Variants in AP2A2 observed in about 807,000 individuals in gnomAD.
The protein encoded by AP2A2 is AP-2 complex subunit alpha-2.
Under a neutral mutation model 104.2 loss-of-function variants are expected in AP2A2, and 32 were observed. The observed-to-expected ratio is 0.31, with a 90% CI of 0.23 to 0.41. AP2A2 has a LOEUF of 0.41. Ranked by LOEUF, AP2A2 falls within the 10% of genes least tolerant of loss-of-function variation. AP2A2 has a pLI of 1.00. For synonymous variants in AP2A2, 539 were observed against 533.3 expected (o/e 1.01, Z -0.15); for missense variants, 912 against 1,261.0 (o/e 0.72, Z 4.19).
intron 1 of AP2A2, among the ~76,000 whole-genome samples, chr11:955,366 TG>T (rs995075366): frequency 1.2e-4 from 19 of 152,346 alleles, no homozygotes; most frequent in African/African-American, 4.3e-4. Flanking sequence ...CCTGCCATCC[TG>T]GGGGGCATCA....
rs113636266 is a variant in AP2A2, at chr11:957,625, CT to C, written c.68-1811del. Among the ~76,000 whole-genome samples the C allele has an allele frequency of 1.6e-3, 248 of 152,312 alleles. 2 individuals are homozygous for C. The highest frequency in any genetic ancestry group is 0.01 in the Middle Eastern group (3 of 294). On this transcript the variant is annotated intron_variant, in intron 1 of 21. Coordinates refer to ENST00000448903, the MANE Select transcript of AP2A2 (RefSeq NM_012305.4). ...AGCTGTGAGAGTTTTGAGCCAGGAA[CT>C]GTAGATGAAAACCAGTATGTATGTA...
chr11:968,599 T>C lies in AP2A2; in HGVS notation c.137-1570T>C, dbSNP rs1465448928. ...GTCAAGCAGTATTTTTGGCTGTGGT[T>C]GTCCAAGGCGGCTTCCAGCGGGTGA... On this transcript the variant is annotated intron_variant, in intron 2 of 21. Coordinates refer to ENST00000448903, the MANE Select transcript of AP2A2 (RefSeq NM_012305.4). This position sits in a 1 kb window ranked among gnomAD's most constrained non-coding sequence, Gnocchi z 4.2. 6.6e-6 allele frequency among the ~76,000 whole-genome samples: 1 copy of C among 152,138 alleles called. No homozygotes were observed. Among genetic ancestry groups the C allele is most frequent in the Admixed American group, 6.5e-5 (1 of 15,276 alleles).
intron 18 of AP2A2, 36 bp downstream of exon 18, chr11:1,008,171 T>C: frequency 6.4e-7 from 1 of 1,563,012 alleles, no homozygotes; most frequent in South Asian, 1.2e-5. Flanking sequence ...CCAAGGGGTG[T>C]GTGGGCGCCT....
Position 1,006,556 on chromosome 11 carries a change from G to A in AP2A2, c.2235G>A (p.Lys745=), listed in dbSNP as rs1371971830. Residue 745 remains lysine, a synonymous_variant, in exon 17 of 22, where the codon AAG becomes AAA. Coordinates refer to ENST00000448903, the MANE Select transcript of AP2A2 (RefSeq NM_012305.4). The part of the protein sequence containing the change: ...LGRMFIFYGN[K]TSTQFLNFTP... The stretch of plus-strand genomic sequence containing the variant: ...GGATGTTTATCTTTTATGGTAATAA[G>A]ACCTCCACGCAGTTCCTAAACTTTA... 1.2e-6 allele frequency: 2 copies of A among 1,613,620 alleles called. No homozygotes were observed. Among genetic ancestry groups the A allele is most frequent in the Non-Finnish European group, 8.5e-7 (1 of 1,179,754 alleles).
At chr11:947,013 T>TTC (rs1357548736) in intron 1 of AP2A2, 3 of 145,806 alleles carry the variant, frequency 2.1e-5, no homozygotes, top group African/African-American at 5.0e-5. Flanking sequence ...TTCTTTTCTT[T>TTC]TTTTTTTTTT....
At chr11:967,152 G>A (rs926802024) in intron 2 of AP2A2, among the ~76,000 whole-genome samples, 1 of 151,976 alleles carries the variant, frequency 6.6e-6, no homozygotes, top group African/African-American at 2.4e-5. Flanking sequence ...GGGCAGCAGA[G>A]CAAGACTGTC....
At chr11:1,003,333 G>A (rs1312990449) in intron 15 of AP2A2, among the ~76,000 whole-genome samples, 1 of 152,268 alleles carries the variant, frequency 6.6e-6, no homozygotes, top group Non-Finnish European at 1.5e-5. Flanking sequence ...GGCTCTGATG[G>A]CGAGGCCCTC....
rs544075577 is a variant in AP2A2, at chr11:993,727, C to T, written c.1551-27C>T. On this transcript the variant is annotated intron_variant, in intron 12 of 21. Transcript: ENST00000448903. The surrounding 1 kb of genome is among the most constrained non-coding windows in gnomAD (Gnocchi z 8.2). Reference sequence around the variant, plus strand: ...GCAGCCTGCGAGGGGACGACGGTGTCCCTGTGTTGTGCCTCCCCGTCCCCA... The same window carrying T: ...GCAGCCTGCGAGGGGACGACGGTGTTCCTGTGTTGTGCCTCCCCGTCCCCA... 5 of 1,541,490 alleles carry T rather than the reference C, an allele frequency of 3.2e-6. No homozygotes were observed. Among genetic ancestry groups the T allele is most frequent in the East Asian group, 2.4e-5 (1 of 41,754 alleles).
At chr11:1,008,682 A>T (rs966601253) in intron 18 of AP2A2, 21 of 229,998 alleles carry the variant, frequency 9.1e-5, no homozygotes, top group African/African-American at 4.1e-4. Context: ...AGGAATGTTG[A>T]GAAAAGCACA....
At position 993,406 on chromosome 11, in the gene AP2A2, G is replaced by T. The variant is rs751512376; in HGVS notation, c.1550+25G>T. The stretch of plus-strand genomic sequence containing the variant: ...GGTGAGAGGCCCTTTGCGAGTCGGG[G>T]CTGTGTGCGCTCCGGCGGGCCTCTC... On this transcript the variant is annotated intron_variant, in intron 12 of 21. Transcript: ENST00000448903. This position sits in a 1 kb window ranked among gnomAD's most constrained non-coding sequence, Gnocchi z 8.2. The T allele has an allele frequency of 1.9e-6, 3 of 1,571,290 alleles. No homozygotes were observed. Among genetic ancestry groups the T allele is most frequent in the East Asian group, 4.6e-5 (2 of 43,594 alleles).
At chr11:952,706 T>C (rs1482203259) in intron 1 of AP2A2, among the ~76,000 whole-genome samples, 1 of 152,144 alleles carries the variant, frequency 6.6e-6, no homozygotes, top group Admixed American at 6.6e-5. Flanking sequence ...AGTTACTCTT[T>C]AACAAAGATC....
chr11:945,062 G>A (rs1196485910), intron 1 of AP2A2, among the ~76,000 whole-genome samples: 1 of 152,120 alleles, frequency 6.6e-6, no homozygotes, highest in African/African-American at 2.4e-5. Flanking sequence ...TGGAATGCAG[G>A]GGTGATGCTT....
chr11:1,009,791 C>T lies in AP2A2; in HGVS notation c.2716C>T (p.Arg906Cys), dbSNP rs910967053. The change falls in exon 21 of 22, where the codon CGC becomes TGC. Residue 906 changes from arginine to cysteine, a missense_variant. Transcript: ENST00000448903. ...TKTTQIGCLL[R>C]LEPNLQAQMY... ...AACCACCCAGATTGGATGCCTGCTG[C>T]GCTTGGAGCCGAACCTGCAAGCCCA... 12 of 1,548,268 alleles carry T rather than the reference C, an allele frequency of 7.8e-6. No individual in the cohort carries two copies. The highest frequency in any genetic ancestry group is 1.4e-5 in the African/African-American group (1 of 73,016).
At position 1,000,606 on chromosome 11, in the gene AP2A2, G is replaced by A. The variant is rs1032556172; in HGVS notation, c.2123+8G>A. The A allele has an allele frequency of 1.3e-6, 2 of 1,539,952 alleles. No individual in the cohort carries two copies. Among genetic ancestry groups the A allele is most frequent in the Non-Finnish European group, 1.7e-6 (2 of 1,148,212 alleles). On this transcript the variant is annotated splice_region_variant and intron_variant, in intron 15 of 21. Transcript: ENST00000448903. ...CGAAGACAACTTTGCCAGGTAGTCAGGTTTCCTGAGTCCTGCAGACAGGCA... is the reference window on the plus strand; with the variant it reads ...CGAAGACAACTTTGCCAGGTAGTCAAGTTTCCTGAGTCCTGCAGACAGGCA...
chr11:960,176 A>G (rs1168558499), intron 2 of AP2A2, among the ~76,000 whole-genome samples: 1 of 151,870 alleles, frequency 6.6e-6, no homozygotes, highest in African/African-American at 2.4e-5. Flanking sequence ...CAGCTTGGGG[A>G]CAACTGGAGT....
intron 10 of AP2A2, 55 bp downstream of exon 10, chr11:988,744 C>T: frequency 6.3e-7 from 1 of 1,599,568 alleles, no homozygotes; most frequent in Non-Finnish European, 8.6e-7. Flanking sequence ...ATCTCAGCGG[C>T]AGGATTTCCT....
chr11:1,010,075 C>T (rs192275833), intron 21 of AP2A2: 20 of 514,524 alleles, frequency 3.9e-5, no homozygotes, highest in Non-Finnish European at 6.6e-5. Context: ...TACATGGTTG[C>T]ATCCCAGCCT....
In AP2A2 at chr11:1,009,376, C is replaced by A; in HGVS notation, c.2586C>A (p.Asp862Glu). The A allele has an allele frequency of 6.2e-7, 1 of 1,613,490 alleles. No homozygotes were observed. The highest frequency in any genetic ancestry group is 1.1e-5 in the South Asian group (1 of 91,068). The change falls in exon 20 of 22, where the codon GAC becomes GAA. Residue 862 changes from aspartate (D) to glutamate (E), a missense_variant. Asp to Glu is a conservative substitution (Grantham distance 45, BLOSUM62 2). Around this residue, in one of 7 missense-constraint regions of AP2A2, gnomAD observed 239 missense variants for 329.8 expected, o/e 0.72. Transcript: ENST00000448903. ...TCTTCAAAGCAAAGCACCCAATGGA[C>A]ACAGAAGTCACCAAAGCCAAGGTAA... ...QNIFKAKHPM[D>E]TEVTKAKIIG...
Position 1,010,989 on chromosome 11 carries a change from G to A in AP2A2, c.*364G>A, listed in dbSNP as rs772783973. On this transcript the variant is annotated 3_prime_UTR_variant, in exon 22 of 22. Transcript: ENST00000448903. ...CCCGTGCTGCCGCCCACCCCGCCTC[G>A]GAGCCTCTGGGAGCAGCAGTGCCAC... 3.0e-5 allele frequency: 21 copies of A among 698,984 alleles called. No individual in the cohort carries two copies. The East Asian group carries it at 3.6e-4, about 12-fold the overall frequency. The allele number at this position is 698,984 out of a possible 1,614,324, so 43.3% of individuals were successfully genotyped here.
Sources: allele counts gnomAD v4.1 joint callset (sites outside exome capture counted in the v4.1 genomes callset), GRCh38; gene constraint gnomAD v4.1.1; regional missense constraint gnomAD v4.1.1; non-coding constraint Gnocchi (gnomAD v3.1); transcripts MANE v1.5; gene names NCBI Gene and HGNC (gene_info 2026-07-23, HGNC 2026-07-21).